The following INTS13 variants were observed in gnomAD, a reference collection of about 807,000 sequenced individuals.
INTS13 encodes the protein integrator complex subunit 13, also known as asunder, spermatogenesis regulator homolog (Drosphila).
In INTS13, 35 loss-of-function variants were observed where a neutral mutation model predicts 90.2. That is an observed-to-expected ratio of 0.39 (90% CI 0.30 to 0.51). The LOEUF is 0.51. INTS13 is among the 20% of genes least tolerant of loss of function. INTS13 has a pLI of 0.80. For missense variants in INTS13, 601 were observed against 851.2 expected, an observed-to-expected ratio of 0.71 and a Z score of 3.66; for synonymous variants, 309 against 277.1, an observed-to-expected ratio of 1.11 and a Z score of -1.14.
At chr12:26,905,895 CAAATT>C (rs922492752) in intron 16 of INTS13, among the ~76,000 whole-genome samples, 1 of 152,114 alleles carries the variant, frequency 6.6e-6, no homozygotes, top group Non-Finnish European at 1.5e-5. Flanking sequence ...TTTCCACCAA[CAAATT>C]AAGAGGATTT....
intron 14 of INTS13, among the ~76,000 whole-genome samples, chr12:26,911,654 AAAATAACACTGAATTTC>A (rs1393737670): frequency 6.6e-6 from 1 of 152,224 alleles, no homozygotes; most frequent in Non-Finnish European, 1.5e-5. Context: ...AGATAGGAAC[AAAATAACACTGAATTTC>A]AAATTACAAA....
chr12:26,917,855 G>A (rs1192372613), intron 8 of INTS13, 122 bp from the exon 9 acceptor site: 2 of 714,586 alleles, frequency 2.8e-6, no homozygotes, highest in Non-Finnish European at 4.6e-6. Flanking sequence ...CGGGTGCAGT[G>A]GCTCATGCCT....
rs1232773736 is a variant in INTS13 at position 26,917,533 on chromosome 12, T to A, written c.980-92A>T. 3 of 1,231,222 alleles carry A rather than the reference T, an allele frequency of 2.4e-6. No individual in the cohort carries two copies. The African/African-American group carries it at 4.6e-5, about 19-fold the overall frequency. The allele number at this position is 1,231,222 out of a possible 1,614,324, so 76.3% of individuals were successfully genotyped here. A position where few individuals can be genotyped will look rare whatever the true frequency, so the allele number is the denominator to read the frequency against. On this transcript the variant is annotated intron_variant, in intron 9 of 16. Transcript: ENST00000261191. ...AAAAAAACTTCTTCACTGAGTTCAT[T>A]GAGTCCTGAAACAATGAAAAACGAA...
intron 5 of INTS13, 44 bp from the exon 6 acceptor site, chr12:26,925,895 T>C (rs780079578): frequency 3.6e-6 from 5 of 1,380,360 alleles, no homozygotes; most frequent in Non-Finnish European, 5.1e-6. Flanking sequence ...ATACATAGTA[T>C]GTAAAGAATT....
chr12:26,934,736 C>A, intron 2 of INTS13, 106 bp from the exon 3 acceptor site: 4 of 862,116 alleles, frequency 4.6e-6, no homozygotes, highest in Non-Finnish European at 7.8e-6. Context: ...CTGATTCATT[C>A]ATTCTTCTTT....
At chr12:26,928,961 A>C in intron 3 of INTS13, 56 bp from the exon 4 acceptor site, 1 of 1,490,552 alleles carries the variant, frequency 6.7e-7, no homozygotes, top group Non-Finnish European at 9.2e-7. Context: ...TCAGATAAAA[A>C]TATCACAAGA....
In INTS13 at chr12:26,927,945, G is replaced by GA. The variant is rs574902750; in HGVS notation, c.584+259dup. Among the ~76,000 whole-genome samples the GA allele has an allele frequency of 1.6e-3, 236 of 151,700 alleles. 1 individual carries two copies. Among genetic ancestry groups the GA allele is most frequent in the African/African-American group, 5.7e-3 (234 of 41,358 alleles). On this transcript the variant is annotated intron_variant, in intron 5 of 16. Coordinates refer to ENST00000261191, the MANE Select transcript of INTS13 (RefSeq NM_018164.3). ...TTACAAATTCGAAACACAACTATGAGAAAAAAACCATCAAAACAAATACAC... is the reference window on the plus strand; with the variant it reads ...TTACAAATTCGAAACACAACTATGAGAAAAAAAACCATCAAAACAAATACAC...
intron 8 of INTS13, 45 bp downstream of exon 8, chr12:26,922,571 T>A: frequency 7.0e-7 from 1 of 1,437,982 alleles, no homozygotes. Flanking sequence ...TAATATGCTT[T>A]CATATGTTAG....
rs138819719 is a variant in INTS13, at chr12:26,931,113, C to T, written c.301-2208G>A. ...AAAGCATTCTATTTAAAACTAACCT[C>T]GGAGAACAATAAAATAAAATTAAAT... On this transcript the variant is annotated intron_variant, in intron 3 of 16. Transcript: ENST00000261191. Among the ~76,000 whole-genome samples, 142 of 151,320 alleles carry T rather than the reference C, an allele frequency of 9.4e-4. 1 individual carries two copies. In the East Asian group the frequency reaches 0.014, roughly 15 times the overall value.
chr12:26,933,029 T>C (rs1938280577), intron 3 of INTS13, among the ~76,000 whole-genome samples: 1 of 152,092 alleles, frequency 6.6e-6, no homozygotes, highest in African/African-American at 2.4e-5. Flanking sequence ...AATAAACTAA[T>C]GTTAATACCT....
intron 8 of INTS13, chr12:26,919,100 G>A (rs760675603): frequency 3.0e-6 from 1 of 331,820 alleles, no homozygotes; most frequent in South Asian, 2.4e-5. Flanking sequence ...CCGAGGGGTC[G>A]ATGCTGCAGT....
intron 3 of INTS13, among the ~76,000 whole-genome samples, chr12:26,932,750 C>A (rs1007167644): frequency 6.6e-6 from 1 of 150,566 alleles, no homozygotes; most frequent in African/African-American, 2.4e-5. Context: ...ACCAAGTTGT[C>A]ATACAGATAA....
intron 8 of INTS13, among the ~76,000 whole-genome samples, chr12:26,920,201 T>G (rs1236798845): frequency 6.6e-6 from 1 of 151,676 alleles, no homozygotes; most frequent in Non-Finnish European, 1.5e-5. Context: ...AAGACCTAGC[T>G]ACACTGTTAC....
chr12:26,937,051 T>C (rs1018427162), intron 1 of INTS13, among the ~76,000 whole-genome samples: 6 of 152,212 alleles, frequency 3.9e-5, no homozygotes, highest in African/African-American at 1.4e-4. Flanking sequence ...TACCAGTGCA[T>C]GCATTTTTGG....
chr12:26,919,647 G>A (rs188930642), intron 8 of INTS13, among the ~76,000 whole-genome samples: 2 of 149,542 alleles, frequency 1.3e-5, no homozygotes, highest in African/African-American at 2.4e-5. Context: ...ATGTGATGAT[G>A]GATTAGATGT....
intron 4 of INTS13, 146 bp downstream of exon 4, chr12:26,928,557 A>C: frequency 7.1e-6 from 5 of 705,884 alleles, no homozygotes; most frequent in Non-Finnish European, 1.1e-5. Flanking sequence ...TAAAAGGCAA[A>C]AAAAAAAAAA....
rs1181985635 is a variant in INTS13 at position 26,913,516 on chromosome 12, G to A, written c.1746C>T (p.Asp582=). The part of the protein sequence containing the change: ...KRGRKREDKE[D]KSEKAVKDYE... Reference sequence around the variant, plus strand: ...AATCTTTCACTGCTTTCTCTGACTTGTCCTCTTTGTCTTCCCTCTTTCTTC... The same window carrying A: ...AATCTTTCACTGCTTTCTCTGACTTATCCTCTTTGTCTTCCCTCTTTCTTC... The change falls in exon 14 of 17, where the codon GAC becomes GAT. Residue 582 remains aspartate (D), a synonymous_variant. Transcript: ENST00000261191. 6.2e-7 allele frequency: 1 copy of A among 1,614,064 alleles called. No individual in the cohort carries two copies. Among genetic ancestry groups the A allele is most frequent in the Admixed American group, 1.7e-5 (1 of 60,026 alleles).
chr12:26,924,598 T>A, intron 6 of INTS13, 115 bp from the exon 7 acceptor site: 1 of 1,187,222 alleles, frequency 8.4e-7, no homozygotes. Flanking sequence ...TTTTAGAAGT[T>A]GGAAAAAAAG....
chr12:26,921,947 C>T (rs1276556070), intron 8 of INTS13, among the ~76,000 whole-genome samples: 1 of 152,212 alleles, frequency 6.6e-6, no homozygotes, highest in Non-Finnish European at 1.5e-5. Context: ...TGAGCCACTA[C>T]CCCCGGCCTG....
Sources: allele counts gnomAD v4.1 joint callset (sites outside exome capture counted in the v4.1 genomes callset), GRCh38; gene constraint gnomAD v4.1.1; transcripts MANE v1.5; gene names NCBI Gene and HGNC (gene_info 2026-07-23, HGNC 2026-07-21).